TXLNG: variants seen among roughly 807,000 people sequenced by gnomAD.
TXLNG encodes gamma-taxilin.
In TXLNG, 5 loss-of-function variants were observed where a neutral mutation model predicts 38.8. The observed-to-expected ratio is 0.13, with a 90% CI of 0.07 to 0.27. TXLNG has a LOEUF of 0.27. Ranked by LOEUF, TXLNG falls within the 10% of genes least tolerant of loss-of-function variation. TXLNG has a pLI of 1.00. For synonymous variants in TXLNG, 182 were observed against 158.2 expected, an observed-to-expected ratio of 1.15 and a Z score of -1.13; for missense variants, 393 against 398.2, an observed-to-expected ratio of 0.99 and a Z score of 0.11.
chrX:16,806,703 G>A (rs1281279720), intron 1 of TXLNG, among the ~76,000 whole-genome samples: 1 of 110,323 alleles, frequency 9.1e-6, no homozygotes, highest in Non-Finnish European at 1.9e-5. Flanking sequence ...GGATCATGAG[G>A]TCAGGAGATC....
chrX:16,809,349 T>G (rs1928431068), intron 1 of TXLNG, among the ~76,000 whole-genome samples: 1 of 101,465 alleles, frequency 9.9e-6, no homozygotes, highest in East Asian at 3.0e-4. Flanking sequence ...ATAGTTGTTT[T>G]TTTTTTTTTT....
intron 1 of TXLNG, among the ~76,000 whole-genome samples, chrX:16,809,242 G>A (rs1341823412): frequency 9.1e-6 from 1 of 110,195 alleles, no homozygotes; most frequent in African/African-American, 3.3e-5. Context: ...CTCCTTGGTG[G>A]TTAAGTCAAT....
intron 1 of TXLNG, among the ~76,000 whole-genome samples, chrX:16,804,985 C>CTTTT (rs35314233): frequency 3.3e-3 from 7 of 2,137 alleles, no homozygotes; most frequent in African/African-American, 0.012. Context: ...CCCCCCCCCG[C>CTTTT]TTTTTTTTTT....
chrX:16,804,977 C>T (rs1388238625), intron 1 of TXLNG, among the ~76,000 whole-genome samples: 2 of 8,237 alleles, frequency 2.4e-4, no homozygotes, highest in African/African-American at 4.4e-4. Flanking sequence ...GCCCACCCCC[C>T]CCCCCCGCTT....
At chrX:16,829,543 G>C (rs772626760) in intron 4 of TXLNG, 33 bp from the exon 5 acceptor site, 27 of 1,184,996 alleles carry the variant, frequency 2.3e-5, no homozygotes, top group Admixed American at 4.5e-5. Flanking sequence ...CTATAGGTCT[G>C]TATTATTAAC....
intron 1 of TXLNG, among the ~76,000 whole-genome samples, chrX:16,793,120 A>G (rs1461103442): frequency 9.1e-6 from 1 of 110,087 alleles, no homozygotes; most frequent in African/African-American, 3.3e-5. Flanking sequence ...AAAGTATACA[A>G]TAATATACAA....
In TXLNG at chrX:16,828,129, G is replaced by C; in HGVS notation, c.534G>C (p.Lys178Asn). The stretch of plus-strand genomic sequence containing the variant: ...GCAGGAGTGTTCAGAAGCAAATGAA[G>C]ATCCTGCAGAAGAAGCAAGCCCAGA... ...EESRSVQKQM[K>N]ILQKKQAQIV... The change falls in exon 4 of 10, where the codon AAG (lysine) becomes AAC (asparagine). Residue 178 changes from lysine (K) to asparagine (N), a missense_variant. Transcript: ENST00000380122. The C allele has an allele frequency of 1.7e-6, 2 of 1,210,628 alleles. No homozygotes were observed. Among genetic ancestry groups the C allele is most frequent in the Non-Finnish European group, 2.2e-6 (2 of 894,852 alleles).
At chrX:16,830,559 A>T (rs1318479684) in intron 5 of TXLNG, among the ~76,000 whole-genome samples, 4 of 103,935 alleles carry the variant, frequency 3.8e-5, no homozygotes, top group Non-Finnish European at 5.9e-5. Context: ...TGGGCTTGTT[A>T]TGTTATGTTC....
Position 16,841,795 on chromosome X carries a change from T to G in TXLNG, c.*29T>G, listed in dbSNP as rs199561731. On this transcript the variant is annotated 3_prime_UTR_variant, in exon 10 of 10. Coordinates refer to ENST00000380122, the MANE Select transcript of TXLNG (RefSeq NM_018360.3). ...GAGGTGTGATCACTGTATTGAGAGA[T>G]ATATTTTGTGTATAACTTTCTCTGT... 1.6e-5 allele frequency: 18 copies of G among 1,158,805 alleles called. No individual in the cohort carries two copies. The highest frequency in any genetic ancestry group is 5.4e-5 in the African/African-American group (3 of 55,525).
intron 1 of TXLNG, among the ~76,000 whole-genome samples, chrX:16,804,210 G>A (rs867535519): frequency 9.0e-6 from 1 of 111,416 alleles, no homozygotes; most frequent in Middle Eastern, 4.6e-3. Flanking sequence ...TCCTGTACTG[G>A]CCATTTGCCT....
chrX:16,839,616 G>A (rs1929719365), intron 8 of TXLNG, among the ~76,000 whole-genome samples: 1 of 110,913 alleles, frequency 9.0e-6, no homozygotes, highest in African/African-American at 3.3e-5. Context: ...CCCTTCTTTG[G>A]TTCCACCCTA....
intron 1 of TXLNG, among the ~76,000 whole-genome samples, chrX:16,799,176 G>A: frequency 9.0e-6 from 1 of 111,418 alleles, no homozygotes; most frequent in Non-Finnish European, 1.9e-5. Context: ...ACCACACCCA[G>A]CTGCATTTCC....
chrX:16,806,520 G>C (rs771384412), intron 1 of TXLNG, among the ~76,000 whole-genome samples: 1 of 112,452 alleles, frequency 8.9e-6, no homozygotes, highest in East Asian at 2.8e-4. Context: ...GGTGGCTCAC[G>C]CCTGTAATTC....
chrX:16,816,367 A>G (rs970119209), intron 1 of TXLNG, among the ~76,000 whole-genome samples: 2 of 112,138 alleles, frequency 1.8e-5, no homozygotes, highest in Admixed American at 9.5e-5. Context: ...TTGATTGTGA[A>G]TCCTCTCCCA....
chrX:16,820,767 A>ATTATT (rs1168332548), intron 3 of TXLNG, among the ~76,000 whole-genome samples: 3 of 111,968 alleles, frequency 2.7e-5, no homozygotes, highest in Non-Finnish European at 5.6e-5. Context: ...TCTCAGCTAT[A>ATTATT]TTATTTTATT....
At chrX:16,800,008 C>T (rs1030576980) in intron 1 of TXLNG, among the ~76,000 whole-genome samples, 4 of 108,021 alleles carry the variant, frequency 3.7e-5, no homozygotes, top group Non-Finnish European at 7.7e-5. Flanking sequence ...GGTATGATCT[C>T]GGCTCACTGC....
intron 3 of TXLNG, among the ~76,000 whole-genome samples, chrX:16,825,517 T>C (rs1223873258): frequency 1.8e-5 from 2 of 112,115 alleles, no homozygotes; most frequent in African/African-American, 6.5e-5. Flanking sequence ...TTTGTGTGTA[T>C]GTGTGGTGTG....
intron 3 of TXLNG, among the ~76,000 whole-genome samples, chrX:16,822,657 A>G (rs1186068066): frequency 1.8e-5 from 2 of 112,257 alleles, no homozygotes; most frequent in Non-Finnish European, 3.8e-5. Flanking sequence ...AGGGAAAAGA[A>G]AAAATGGAGA....
intron 8 of TXLNG, among the ~76,000 whole-genome samples, chrX:16,838,673 C>G (rs1185607170): frequency 1.8e-5 from 2 of 112,069 alleles, no homozygotes; most frequent in Non-Finnish European, 3.8e-5. Context: ...CCATGAGCAG[C>G]AGATTCGTTC....
Sources: gnomAD v4.1 joint callset for allele counts (sites outside exome capture counted in the v4.1 genomes callset) on GRCh38, gnomAD v4.1.1 for gene constraint, MANE v1.5 for transcripts, NCBI Gene and HGNC (gene_info 2026-07-23, HGNC 2026-07-21) for gene names.